Variants in PARN observed in about 807,000 individuals in gnomAD.
PARN encodes the protein poly(A)-specific ribonuclease.
A neutral mutation model predicts 102.8 loss-of-function variants in PARN; 71 were observed. The observed-to-expected ratio is 0.69, with a 90% confidence interval of 0.57 to 0.84. The LOEUF (loss-of-function observed/expected upper bound fraction) is 0.84. Among genes scored for constraint, PARN ranks in the 40% least tolerant of loss-of-function variants. PARN has a pLI of 0.00. For missense variants in PARN, 782 were observed against 760.9 expected, an observed-to-expected ratio of 1.03 and a Z score of -0.33; for synonymous variants, 261 against 252.9, an observed-to-expected ratio of 1.03 and a Z score of -0.30.
chr16:14,616,500 G>C (rs1371476888), intron 6 of PARN, among the ~76,000 whole-genome samples: 1 of 152,226 alleles, frequency 6.6e-6, no homozygotes, highest in East Asian at 1.9e-4. Flanking sequence ...AATCCCAGCA[G>C]GCTGGGAGGC....
intron 23 of PARN, among the ~76,000 whole-genome samples, chr16:14,439,787 C>T (rs1054563838): frequency 5.9e-5 from 9 of 151,766 alleles, no homozygotes; most frequent in East Asian, 1.9e-4. Flanking sequence ...AGGCTGAGGC[C>T]GGTGGATCAC....
Position 14,555,666 on chromosome 16 carries a change from C to T in PARN, c.1306G>A (p.Glu436Lys). 1 of 1,469,582 alleles carries T rather than the reference C, an allele frequency of 6.8e-7. No individual in the cohort carries two copies. Among genetic ancestry groups the T allele is most frequent in the Admixed American group, 2.0e-5 (1 of 49,598 alleles). The allele number at this position is 1,469,582 out of a possible 1,614,324, so 91.0% of individuals were successfully genotyped here. ...RVMDIPYLNLEGPDLQPKRDH... is the reference protein window; with the variant it reads ...RVMDIPYLNLKGPDLQPKRDH... The stretch of plus-strand genomic sequence containing the variant: ...AAAATTTACTTACAGTCTGGTCCTT[C>T]CAAGTTTAGATAGGGGATATCCATG... The change falls in exon 19 of 24, where the codon GAA becomes AAA. Residue 436 changes from glutamate (E) to lysine (K), a missense_variant. Glu to Lys is a moderately conservative substitution (Grantham distance 56). Transcript: ENST00000437198.
At chr16:14,476,784 A>C (rs1256320584) in intron 22 of PARN, among the ~76,000 whole-genome samples, 2 of 152,264 alleles carry the variant, frequency 1.3e-5, no homozygotes, top group African/African-American at 4.8e-5. Flanking sequence ...TGAGAGCTGT[A>C]GTTTACCAAC....
intron 13 of PARN, among the ~76,000 whole-genome samples, chr16:14,588,143 A>C (rs1196996369): frequency 6.6e-6 from 1 of 152,248 alleles, no homozygotes; most frequent in Admixed American, 6.5e-5. Context: ...GGAGAAGGCA[A>C]AAGCTGCACC....
intron 18 of PARN, among the ~76,000 whole-genome samples, chr16:14,579,159 G>C (rs1232192384): frequency 6.6e-6 from 1 of 152,014 alleles, no homozygotes; most frequent in Non-Finnish European, 1.5e-5. Context: ...GTACAGACCG[G>C]TTTTCACCAT....
intron 12 of PARN, among the ~76,000 whole-genome samples, chr16:14,597,754 C>T (rs985125014): frequency 2.6e-5 from 4 of 152,002 alleles, no homozygotes; most frequent in African/African-American, 9.7e-5. Context: ...GTATTCTTGC[C>T]AAACCATATA....
chr16:14,505,667 C>T (rs1178498007), intron 21 of PARN, among the ~76,000 whole-genome samples: 1 of 152,038 alleles, frequency 6.6e-6, no homozygotes, highest in African/African-American at 2.4e-5. Context: ...ACCTAATAAC[C>T]AATGGTTCAT....
At chr16:14,445,456 T>C (rs751435424) in intron 23 of PARN, among the ~76,000 whole-genome samples, 8 of 152,230 alleles carry the variant, frequency 5.3e-5, no homozygotes, top group Non-Finnish European at 1.2e-4. Flanking sequence ...TTGTTAGTTC[T>C]GCTAACCGTG....
intron 22 of PARN, 103 bp downstream of exon 22, chr16:14,482,535 C>T (rs1261859039): frequency 1.1e-6 from 1 of 893,092 alleles, no homozygotes; most frequent in Non-Finnish European, 1.7e-6. Context: ...GAAAGGCCAT[C>T]TTTCCCAAAA....
At position 14,482,674 on chromosome 16, in the gene PARN, G is replaced by T. The variant is rs777483879; in HGVS notation, c.1634C>A (p.Pro545His). The stretch of plus-strand genomic sequence containing the variant: ...GTAATAGTGATTCTGCAGGGTGTAG[G>T]GTATGCACTGGGGGTTTAACCGTTT... ...DSKRLNPQCIPYTLQNHYYRN... is the reference protein window; with the variant it reads ...DSKRLNPQCIHYTLQNHYYRN... The change falls in exon 22 of 24, where the codon CCC becomes CAC. Residue 545 changes from proline to histidine, a missense_variant. Pro to His is a moderately conservative substitution (Grantham distance 77). Coordinates refer to ENST00000437198, the MANE Select transcript of PARN (RefSeq NM_002582.4). 1 of 1,613,402 alleles carries T rather than the reference G, an allele frequency of 6.2e-7. No homozygotes were observed. The highest frequency in any genetic ancestry group is 2.2e-5 in the East Asian group (1 of 44,854).
intron 21 of PARN, among the ~76,000 whole-genome samples, chr16:14,523,544 G>A (rs1965846584): frequency 6.6e-6 from 1 of 152,126 alleles, no homozygotes. Flanking sequence ...TCTGCTTTCT[G>A]CCCCATTTCT....
At chr16:14,467,291 C>G (rs1962420373) in intron 22 of PARN, among the ~76,000 whole-genome samples, 1 of 152,170 alleles carries the variant, frequency 6.6e-6, no homozygotes, top group African/African-American at 2.4e-5. Context: ...TGATAGGCTG[C>G]TCATCACATG....
chr16:14,628,299 G>A lies in PARN; in HGVS notation c.98-48C>T, dbSNP rs758870527. ...TTTTAGCTTACTAATAAATACTAACGTAAAAATGCCAGTCAATCATTCAGT... is the reference window on the plus strand; with the variant it reads ...TTTTAGCTTACTAATAAATACTAACATAAAAATGCCAGTCAATCATTCAGT... On this transcript the variant is annotated intron_variant, in intron 2 of 23. Transcript: ENST00000437198. The A allele has an allele frequency of 1.4e-5, 15 of 1,047,942 alleles. No individual in the cohort carries two copies. The Admixed American group carries it at 2.0e-4, about 14-fold the overall frequency. 64.9% of individuals were successfully genotyped at this position (1,047,942 alleles called of 1,614,324 possible).
intron 22 of PARN, among the ~76,000 whole-genome samples, chr16:14,472,610 G>A (rs531217650): frequency 8.1e-4 from 124 of 152,334 alleles, no homozygotes; most frequent in African/African-American, 2.6e-3. Flanking sequence ...GCTAGAACAT[G>A]AAGGCACAAA....
At chr16:14,589,188 A>AT (rs1160335877) in intron 13 of PARN, among the ~76,000 whole-genome samples, 1 of 151,666 alleles carries the variant, frequency 6.6e-6, no homozygotes, top group Non-Finnish European at 1.5e-5. Context: ...TCAAAAATAA[A>AT]TAAATAAATA....
intron 11 of PARN, 90 bp downstream of exon 11, chr16:14,604,056 G>T: frequency 1.2e-6 from 1 of 820,066 alleles, no homozygotes; most frequent in African/African-American, 1.7e-5. Flanking sequence ...TCATTAAATT[G>T]AATCCAACAT....
chr16:14,460,019 G>T (rs118092382), intron 22 of PARN, among the ~76,000 whole-genome samples: 3,872 of 152,122 alleles, frequency 0.025, 80 homozygotes, highest in Non-Finnish European at 0.042. Flanking sequence ...ATAAAACTGA[G>T]AATAATTAAA....
At chr16:14,464,623 G>A (rs1962212030) in intron 22 of PARN, among the ~76,000 whole-genome samples, 1 of 152,116 alleles carries the variant, frequency 6.6e-6, no homozygotes, top group African/African-American at 2.4e-5. Context: ...CAGGCGTGGT[G>A]GCGCACACCT....
chr16:14,525,030 A>AACT (rs1200704002), intron 21 of PARN, among the ~76,000 whole-genome samples: 3 of 152,240 alleles, frequency 2.0e-5, no homozygotes, highest in East Asian at 3.8e-4. Flanking sequence ...TAACAGAAAC[A>AACT]ACTACTACTA....
Sources: allele counts gnomAD v4.1 joint callset (sites outside exome capture counted in the v4.1 genomes callset), GRCh38; gene constraint gnomAD v4.1.1; transcripts MANE v1.5; gene names NCBI Gene and HGNC (gene_info 2026-07-23, HGNC 2026-07-21).